STXBP5L: variants seen among roughly 807,000 people sequenced by gnomAD.
The protein encoded by STXBP5L is syntaxin binding protein 5L, also known as syntaxin-binding protein 5-like.
In STXBP5L, 65 loss-of-function variants were observed where a neutral mutation model predicts 144.5. The ratio of observed to expected loss-of-function variants is 0.45; its 90% CI spans 0.37 to 0.55. The LOEUF is 0.55. Ranked by LOEUF, STXBP5L falls within the 20% of genes least tolerant of loss-of-function variation. The probability of loss-of-function intolerance (pLI) is 0.00; values close to 1 mark genes in which losing one functional copy is unlikely to be tolerated. For missense variants in STXBP5L, 1,298 were observed against 1,405.5 expected (o/e 0.92, Z 1.22); for synonymous variants, 505 against 469.6 (o/e 1.08, Z -0.97).
In STXBP5L at chr3:121,284,400, T is replaced by G. The variant is rs368699310; in HGVS notation, c.2110+4444T>G. ...ATCAGAGCCCTGTTGTGCCAATTCC[T>G]TTATTTAAATGCTTCCAGTGTCCAG... On this transcript the variant is annotated intron_variant, in intron 19 of 26. Coordinates refer to ENST00000471454, the MANE Select transcript of STXBP5L (RefSeq NM_001308330.2). Among the ~76,000 whole-genome samples, 14 of 152,184 alleles carry G rather than the reference T, an allele frequency of 9.2e-5. No homozygotes were observed. The East Asian group carries it at 1.5e-3, about 17-fold the overall frequency.
intron 5 of STXBP5L, among the ~76,000 whole-genome samples, chr3:121,082,573 A>C (rs1442122024): frequency 6.6e-6 from 1 of 152,208 alleles, no homozygotes; most frequent in Admixed American, 6.5e-5. Flanking sequence ...TGCTCTGACC[A>C]TCTTGAAATT....
chr3:121,206,744 G>A (rs1273541615), intron 10 of STXBP5L, among the ~76,000 whole-genome samples: 2 of 152,144 alleles, frequency 1.3e-5, no homozygotes, highest in African/African-American at 2.4e-5. Flanking sequence ...AGCCCAGGAG[G>A]TGGAGGTTGC....
At chr3:121,225,735 C>T (rs1389700304) in intron 11 of STXBP5L, among the ~76,000 whole-genome samples, 2 of 152,190 alleles carry the variant, frequency 1.3e-5, no homozygotes, top group African/African-American at 4.8e-5. Flanking sequence ...GCCAATTGGG[C>T]TTTTATTATT....
chr3:121,268,523 C>T (rs2108411699), intron 18 of STXBP5L, among the ~76,000 whole-genome samples: 1 of 152,072 alleles, frequency 6.6e-6, no homozygotes, highest in South Asian at 2.1e-4. Context: ...CCTGCACATT[C>T]TGTACATGTA....
intron 19 of STXBP5L, among the ~76,000 whole-genome samples, chr3:121,285,114 C>T (rs938200676): frequency 6.6e-6 from 1 of 151,970 alleles, no homozygotes; most frequent in Non-Finnish European, 1.5e-5. Context: ...AGCATATATG[C>T]ATTGTTCATA....
At chr3:121,396,048 TTTACCTATTTCCCAACTTTTTG>T (rs1335591991) in intron 22 of STXBP5L, among the ~76,000 whole-genome samples, 2 of 152,252 alleles carry the variant, frequency 1.3e-5, no homozygotes, top group African/African-American at 2.4e-5. Flanking sequence ...AAGTTATTAT[TTTACCTATTTCCCAACTTTTTG>T]TTATCAGATC....
intron 8 of STXBP5L, among the ~76,000 whole-genome samples, chr3:121,156,660 A>T (rs2046122941): frequency 6.6e-6 from 1 of 152,012 alleles, no homozygotes; most frequent in South Asian, 2.1e-4. Context: ...AGCCCTCCGT[A>T]TCCATAAATT....
intron 3 of STXBP5L, among the ~76,000 whole-genome samples, chr3:120,965,434 T>A (rs1939447278): frequency 6.6e-6 from 1 of 152,214 alleles, no homozygotes; most frequent in African/African-American, 2.4e-5. Context: ...CTTTCTATGT[T>A]TAGTGCTTCC....
chr3:121,070,849 A>T (rs555261528), intron 5 of STXBP5L, among the ~76,000 whole-genome samples: 1 of 152,208 alleles, frequency 6.6e-6, no homozygotes, highest in East Asian at 1.9e-4. Context: ...AAGTTTACTG[A>T]CCCTGGTTTC....
intron 7 of STXBP5L, among the ~76,000 whole-genome samples, chr3:121,124,231 A>G (rs1357448449): frequency 6.6e-6 from 1 of 151,920 alleles, no homozygotes; most frequent in Non-Finnish European, 1.5e-5. Flanking sequence ...AATAACTTAC[A>G]AAATGTCTTG....
At chr3:121,007,598 C>G (rs957431603) in intron 3 of STXBP5L, among the ~76,000 whole-genome samples, 2 of 151,864 alleles carry the variant, frequency 1.3e-5, no homozygotes, top group African/African-American at 4.8e-5. Flanking sequence ...ATGAGATATT[C>G]AACTCTGTTA....
intron 3 of STXBP5L, among the ~76,000 whole-genome samples, chr3:120,991,645 G>A (rs1206312632): frequency 6.6e-6 from 1 of 152,182 alleles, no homozygotes; most frequent in Admixed American, 6.5e-5. Flanking sequence ...GGAATACTGT[G>A]CAGCCATAAA....
chr3:121,320,119 A>T (rs910132702), intron 20 of STXBP5L, among the ~76,000 whole-genome samples: 2 of 152,312 alleles, frequency 1.3e-5, no homozygotes, highest in Admixed American at 1.3e-4. Context: ...ACTGGGCAGA[A>T]TTAACATATT....
chr3:121,071,882 C>G (rs1383844684), intron 5 of STXBP5L, among the ~76,000 whole-genome samples: 2 of 152,150 alleles, frequency 1.3e-5, no homozygotes, highest in East Asian at 3.8e-4. Flanking sequence ...GGTGAATACC[C>G]AGTTACTTTA....
At chr3:121,195,665 C>T (rs79135852) in intron 9 of STXBP5L, among the ~76,000 whole-genome samples, 18,319 of 152,220 alleles carry the variant, frequency 0.12, 1,157 homozygotes, top group Non-Finnish European at 0.14. Context: ...ACATTTTCTG[C>T]TTTAGTAAAC....
At chr3:120,962,640 C>G (rs1576499607) in intron 3 of STXBP5L, among the ~76,000 whole-genome samples, 1 of 152,150 alleles carries the variant, frequency 6.6e-6, no homozygotes, top group South Asian at 2.1e-4. Flanking sequence ...ATCTATATCT[C>G]TGTTTTGGTA....
chr3:121,282,358 G>A (rs778252770), intron 19 of STXBP5L: 26 of 1,604,386 alleles, frequency 1.6e-5, no homozygotes, highest in East Asian at 2.2e-5. Flanking sequence ...TAAAGGTTAG[G>A]CAAATAGCCT....
At chr3:120,975,116 C>G (rs1400674100) in intron 3 of STXBP5L, among the ~76,000 whole-genome samples, 1 of 152,186 alleles carries the variant, frequency 6.6e-6, no homozygotes. Context: ...GGCATTGAAT[C>G]TATAAATTAC....
chr3:120,999,302 C>T (rs1943589470), intron 3 of STXBP5L, among the ~76,000 whole-genome samples: 1 of 152,164 alleles, frequency 6.6e-6, no homozygotes, highest in African/African-American at 2.4e-5. Flanking sequence ...ATCTGCCTAC[C>T]TTGGCCTTCC....
Sources: allele counts gnomAD v4.1 joint callset (sites outside exome capture counted in the v4.1 genomes callset), GRCh38; gene constraint gnomAD v4.1.1; transcripts MANE v1.5; gene names NCBI Gene and HGNC (gene_info 2026-07-23, HGNC 2026-07-21).